Variants in BRF1 observed in about 807,000 individuals in gnomAD.
BRF1 encodes the protein transcription factor IIIB 90 kDa subunit.
BRF1 carries 59 observed loss-of-function variants against 81.7 expected under a neutral mutation model. The observed-to-expected ratio is 0.72, with a 90% confidence interval of 0.59 to 0.90. The LOEUF is 0.90. Among genes scored for constraint, BRF1 ranks in the 40% least tolerant of loss-of-function variants. The pLI is 0.00. For missense variants in BRF1, 1,050 were observed against 936.3 expected (o/e 1.12, Z -1.58); for synonymous variants, 491 against 395.6 (o/e 1.24, Z -2.86).
intron 12 of BRF1, 30 bp from the exon 13 acceptor site, chr14:105,219,262 T>C (rs760389727): frequency 6.2e-7 from 1 of 1,606,196 alleles, no homozygotes; most frequent in Non-Finnish European, 8.5e-7. Context: ...TGGGGCTGGC[T>C]TTTAGCCTTC....
chr14:105,264,446 C>T (rs949146772), intron 3 of BRF1, among the ~76,000 whole-genome samples: 5 of 151,836 alleles, frequency 3.3e-5, no homozygotes, highest in South Asian at 2.1e-4. Flanking sequence ...GGGCGGATCA[C>T]GAGGTCAGGA....
intron 5 of BRF1, chr14:105,248,516 C>T (rs2055288073): frequency 1.0e-6 from 1 of 960,146 alleles, no homozygotes; most frequent in Non-Finnish European, 1.2e-6. Context: ...CGACGTCGCG[C>T]GGGGCGCGGC....
At position 105,217,569 on chromosome 14, in the gene BRF1, C is replaced by T; in HGVS notation, c.1747G>A (p.Asp583Asn). 6.2e-7 allele frequency: 1 copy of T among 1,613,516 alleles called. No homozygotes were observed. The highest frequency in any genetic ancestry group is 1.3e-5 in the African/African-American group (1 of 75,072). Reference protein sequence around the residue: ...RRTPASRSGADPVTSVGKRLR... With the variant: ...RRTPASRSGANPVTSVGKRLR... ...CTTTTCCCCACACTGGTCACAGGGT[C>T]AGCCCCACTTCTGCTGGCCGGCGTC... Residue 583 changes from aspartate (D) to asparagine (N), a missense_variant, in exon 15 of 18, where the codon GAC becomes AAC. Around this residue, in one of 2 missense-constraint regions of BRF1, gnomAD observed 1,043 missense variants for 915.4 expected, o/e 1.14. Transcript: ENST00000547530.
intron 3 of BRF1, among the ~76,000 whole-genome samples, chr14:105,263,366 G>A (rs905079252): frequency 6.6e-6 from 1 of 152,136 alleles, no homozygotes; most frequent in Admixed American, 6.5e-5. Context: ...AGAAGAGGAA[G>A]CAACTTCAAC....
At chr14:105,229,003 C>A in intron 6 of BRF1, 90 bp from the exon 7 acceptor site, 2 of 1,193,048 alleles carry the variant, frequency 1.7e-6, no homozygotes, top group Non-Finnish European at 2.5e-6. Context: ...GGATCCCGGT[C>A]ACGGAGATGA....
chr14:105,264,405 C>CTA (rs776330198), intron 3 of BRF1, among the ~76,000 whole-genome samples: 3 of 151,790 alleles, frequency 2.0e-5, no homozygotes, highest in Non-Finnish European at 4.4e-5. Context: ...TTGCTCACAC[C>CTA]TATAATCCCA....
chr14:105,301,875 G>T (rs1159501441), upstream of BRF1, among the ~76,000 whole-genome samples: 3 of 152,232 alleles, frequency 2.0e-5, no homozygotes, highest in African/African-American at 7.2e-5. Flanking sequence ...AGTGGCTCAC[G>T]CTTGTAATCC....
chr14:105,286,318 C>G lies in BRF1; in HGVS notation c.243G>C (p.Ser81=), dbSNP rs138084196. The G allele has an allele frequency of 4.7e-4, 756 of 1,613,560 alleles. 3 individuals are homozygous for G. Among genetic ancestry groups the G allele is most frequent in the Admixed American group, 3.2e-3 (191 of 59,924 alleles). The change falls in exon 2 of 18, where the codon TCG becomes TCC. Residue 81 remains serine, a synonymous_variant. Transcript: ENST00000547530. ...GGFHVNLGKE[S]RAQTLQNGRR... ...TACCATTCTGCAGGGTCTGCGCTCTCGACTCCTTCCCCAGATTCACGTGGA... is the reference window on the plus strand; with the variant it reads ...TACCATTCTGCAGGGTCTGCGCTCTGGACTCCTTCCCCAGATTCACGTGGA...
intron 1 of BRF1, among the ~76,000 whole-genome samples, chr14:105,287,339 G>C (rs1019649930): frequency 6.6e-6 from 1 of 152,198 alleles, no homozygotes; most frequent in African/African-American, 2.4e-5. Flanking sequence ...CCCAAACGCT[G>C]CGGCCTGATC....
Position 105,221,624 on chromosome 14 carries a change from C to T in BRF1, c.1315+24G>A, listed in dbSNP as rs749133719. 37 of 1,595,758 alleles carry T rather than the reference C, an allele frequency of 2.3e-5. No homozygotes were observed. In the East Asian group the frequency reaches 7.8e-4, roughly 34 times the overall value. ...AAGATCTCCCGATGACCTCAGCGTCCCCCAGGGCCCCATCAGAACTCACTG... is the reference window on the plus strand; with the variant it reads ...AAGATCTCCCGATGACCTCAGCGTCTCCCAGGGCCCCATCAGAACTCACTG... On this transcript the variant is annotated intron_variant, in intron 11 of 17. Transcript: ENST00000547530.
At chr14:105,285,056 C>G (rs1218674646) in intron 2 of BRF1, among the ~76,000 whole-genome samples, 1 of 152,176 alleles carries the variant, frequency 6.6e-6, no homozygotes, top group Non-Finnish European at 1.5e-5. Flanking sequence ...ATTCAGGTAT[C>G]AGAAGACTTT....
rs761780187 is a variant in BRF1, at chr14:105,211,305, T to C, written c.1825-12A>G. 9.5e-6 allele frequency: 15 copies of C among 1,581,648 alleles called. No individual in the cohort carries two copies. Among genetic ancestry groups the C allele is most frequent in the Admixed American group, 1.7e-5 (1 of 58,084 alleles). On this transcript the variant is annotated splice_polypyrimidine_tract_variant and intron_variant, in intron 16 of 17. Transcript: ENST00000547530. ...CTTGGGAGCAAAGCCTGGAACGAAG[T>C]GGGGCTCTGACACACACAGAGCTGG...
chr14:105,222,025 G>A, intron 10 of BRF1, 111 bp from the exon 11 acceptor site: 1 of 1,363,570 alleles, frequency 7.3e-7, no homozygotes, highest in Non-Finnish European at 9.7e-7. Context: ...GGCTGTCAGT[G>A]CACGGTGCCT....
At position 105,210,926 on chromosome 14, in the gene BRF1, A is replaced by G. The variant is rs1890018133; in HGVS notation, c.1996+196T>C. 6.6e-6 allele frequency among the ~76,000 whole-genome samples: 1 copy of G among 152,086 alleles called. No individual in the cohort carries two copies. Among genetic ancestry groups the G allele is most frequent in the Admixed American group, 6.5e-5 (1 of 15,274 alleles). Reference sequence around the variant, plus strand: ...TCGTGGTGGGTACCTCACCGTCCCTAGCCTCTCTGACCCTGGCTGCCTCCA... The same window carrying G: ...TCGTGGTGGGTACCTCACCGTCCCTGGCCTCTCTGACCCTGGCTGCCTCCA... On this transcript the variant is annotated intron_variant, in intron 17 of 17. Transcript: ENST00000547530. This position sits in a 1 kb window ranked among gnomAD's most constrained non-coding sequence, Gnocchi z 4.7.
intron 5 of BRF1, chr14:105,250,660 T>G: frequency 6.2e-7 from 1 of 1,607,460 alleles, no homozygotes; most frequent in Non-Finnish European, 8.5e-7. Flanking sequence ...CTGAGCTCAT[T>G]TTCTATGCCT....
intron 4 of BRF1, chr14:105,256,296 CCTCCTGCCATGGAGACCCACA>C: frequency 6.5e-7 from 1 of 1,546,746 alleles, no homozygotes; most frequent in Non-Finnish European, 8.7e-7. Flanking sequence ...TGGCAGGTGC[CCTCCTGCCATGGAGACCCACA>C]CTCCCACAAG....
At position 105,221,722 on chromosome 14, in the gene BRF1, G is replaced by A. The variant is rs771169144; in HGVS notation, c.1241C>T (p.Pro414Leu). The A allele has an allele frequency of 6.2e-7, 1 of 1,610,062 alleles. No individual in the cohort carries two copies. Among genetic ancestry groups the A allele is most frequent in the Non-Finnish European group, 8.5e-7 (1 of 1,179,416 alleles). ...RPPALGSLLD[P>L]LPTAASLGIS... ...GCCCAGGCTGGCTGCAGTGGGGAGG[G>A]GGTCCAGCAGGGACCCCAGGGCCGG... Residue 414 changes from proline (P) to leucine (L), a missense_variant, in exon 11 of 18, where the codon CCC becomes CTC. Transcript: ENST00000547530.
At chr14:105,303,640 A>C (rs923157923), upstream of BRF1, among the ~76,000 whole-genome samples, 1 of 152,198 alleles carries the variant, frequency 6.6e-6, no homozygotes, top group East Asian at 1.9e-4. Context: ...CCCTGTAATT[A>C]CCACTTTAGC....
At chr14:105,229,108 G>A (rs1306984176) in intron 6 of BRF1, among the ~76,000 whole-genome samples, 195 bp from the exon 7 acceptor site, 2 of 152,214 alleles carry the variant, frequency 1.3e-5, no homozygotes, top group Non-Finnish European at 2.9e-5. Flanking sequence ...ATTGTGGGTG[G>A]CGGCTGCACC....
Sources: gnomAD v4.1 joint callset for allele counts (sites outside exome capture counted in the v4.1 genomes callset) on GRCh38, gnomAD v4.1.1 for gene constraint, gnomAD v4.1.1 regional missense constraint, Gnocchi (gnomAD v3.1) non-coding constraint, MANE v1.5 for transcripts, NCBI Gene and HGNC (gene_info 2026-07-23, HGNC 2026-07-21) for gene names.